The following EDA variants were observed in gnomAD, a reference collection of about 807,000 sequenced individuals.
EDA encodes ectodysplasin-A.
In EDA, 2 loss-of-function variants were observed where a neutral mutation model predicts 23.6. The ratio of observed to expected loss-of-function variants is 0.08; its 90% CI spans 0.03 to 0.27. The LOEUF (loss-of-function observed/expected upper bound fraction) is 0.27, where lower values mean the gene tolerates loss of function less well. EDA is among the 10% of genes least tolerant of loss of function. The pLI, the probability that EDA is intolerant of heterozygous loss-of-function variation, is 1.00. For synonymous variants in EDA, 131 were observed against 132.0 expected (o/e 0.99, Z 0.05); for missense variants, 229 against 324.2 (o/e 0.71, Z 2.26).
chrX:69,686,824 A>C (rs1373532394), intron 1 of EDA, among the ~76,000 whole-genome samples: 1 of 111,983 alleles, frequency 8.9e-6, no homozygotes, highest in Non-Finnish European at 1.9e-5. Flanking sequence ...TCTATTCATC[A>C]ATGGATGGAC....
intron 1 of EDA, among the ~76,000 whole-genome samples, chrX:69,674,102 CCTAT>C (rs201928323): frequency 0.27 from 28,412 of 105,400 alleles, 3,190 homozygotes; most frequent in Non-Finnish European, 0.31. Flanking sequence ...GTAGGAAAAG[CCTAT>C]CTATCTATCT....
chrX:69,910,372 A>AGTGTGT (rs1488519660), intron 1 of EDA, among the ~76,000 whole-genome samples: 18 of 51,445 alleles, frequency 3.5e-4, no homozygotes, highest in African/African-American at 4.4e-4. Flanking sequence ...AGAGAGAGAG[A>AGTGTGT]GAGTGTGTGT....
At chrX:69,969,475 A>G (rs2019218864) in intron 2 of EDA, among the ~76,000 whole-genome samples, 1 of 112,120 alleles carries the variant, frequency 8.9e-6, no homozygotes, top group Non-Finnish European at 1.9e-5. Flanking sequence ...ATTATAAAGT[A>G]TGAATTGTAT....
intron 2 of EDA, among the ~76,000 whole-genome samples, chrX:69,980,776 T>A (rs1340519146): frequency 8.9e-6 from 1 of 112,374 alleles, no homozygotes; most frequent in African/African-American, 3.2e-5. Flanking sequence ...TGGAAGTTAC[T>A]CTCATTTTAC....
intron 1 of EDA, among the ~76,000 whole-genome samples, chrX:69,688,290 A>G (rs1369493842): frequency 8.9e-6 from 1 of 112,033 alleles, no homozygotes; most frequent in African/African-American, 3.2e-5. Flanking sequence ...ATGTCAGTGA[A>G]AACTTTCATA....
intron 1 of EDA, among the ~76,000 whole-genome samples, chrX:69,662,798 T>C (rs762801894): frequency 3.5e-4 from 39 of 112,262 alleles, no homozygotes; most frequent in Non-Finnish European, 6.4e-4. Context: ...GCTGAAGTGG[T>C]CTCAGATGGA....
intron 1 of EDA, among the ~76,000 whole-genome samples, chrX:69,758,697 G>A (rs762167840): frequency 6.8e-4 from 76 of 112,059 alleles, no homozygotes; most frequent in Non-Finnish European, 1.2e-3. Context: ...TTAGCTGGGT[G>A]TGGTGGCATG....
At chrX:69,658,811 A>T (rs1213829531) in intron 1 of EDA, among the ~76,000 whole-genome samples, 1 of 111,760 alleles carries the variant, frequency 8.9e-6, no homozygotes, top group African/African-American at 3.2e-5. Flanking sequence ...TACCTCTCCT[A>T]ACCATTTAAG....
At chrX:69,797,699 G>A (rs987662713) in intron 1 of EDA, among the ~76,000 whole-genome samples, 3 of 111,212 alleles carry the variant, frequency 2.7e-5, no homozygotes, top group Non-Finnish European at 5.7e-5. Flanking sequence ...AGCTCAAACG[G>A]TACCACTACA....
chrX:70,038,881 G>A lies in EDA; in HGVS notation c.*3272G>A, dbSNP rs1211567913. On this transcript the variant is annotated 3_prime_UTR_variant, in exon 8 of 8. Transcript: ENST00000374552. ...GAGGGAAGATGACCTGCCCCAAGTG[G>A]TGAGCAAGCACCAACCTCCAGACTC... The A allele has an allele frequency of 1.8e-5, 2 of 112,524 alleles. No individual in the cohort carries two copies. The highest frequency in any genetic ancestry group is 6.5e-5 in the African/African-American group (2 of 30,850). 9.3% of individuals were successfully genotyped at this position (112,524 alleles called of 1,213,427 possible). A position where few individuals can be genotyped will look rare whatever the true frequency, so the allele number is the denominator to read the frequency against.
chrX:69,858,970 G>A (rs1452695293), intron 1 of EDA, among the ~76,000 whole-genome samples: 1 of 111,475 alleles, frequency 9.0e-6, no homozygotes, highest in Non-Finnish European at 1.9e-5. Context: ...GAAGGTATGT[G>A]TGTCCAAGAA....
chrX:69,857,549 A>G (rs2017286535), intron 1 of EDA, among the ~76,000 whole-genome samples: 1 of 109,685 alleles, frequency 9.1e-6, no homozygotes, highest in South Asian at 4.0e-4. Context: ...TTGGTTCTAT[A>G]TGAATTTTAG....
chrX:69,667,162 G>A (rs1222819291), intron 1 of EDA, among the ~76,000 whole-genome samples: 1 of 97,114 alleles, frequency 1.0e-5, no homozygotes, highest in Admixed American at 1.3e-4. Flanking sequence ...CTGTCGCCCA[G>A]GCTGGAGTGC....
intron 1 of EDA, among the ~76,000 whole-genome samples, chrX:69,834,532 CTTTTTT>C (rs56353023): frequency 1.2e-5 from 1 of 86,166 alleles, no homozygotes; most frequent in Non-Finnish European, 2.2e-5. Flanking sequence ...GCAACCCCTG[CTTTTTT>C]TTTTTTTTTT....
intron 2 of EDA, among the ~76,000 whole-genome samples, chrX:69,958,688 T>C (rs1337687951): frequency 9.0e-6 from 1 of 111,461 alleles, no homozygotes; most frequent in Non-Finnish European, 1.9e-5. Context: ...GCAGTCCATG[T>C]AGTAAAAGTT....
chrX:69,722,590 C>A (rs1195779005), intron 1 of EDA, among the ~76,000 whole-genome samples: 1 of 111,880 alleles, frequency 8.9e-6, no homozygotes, highest in African/African-American at 3.2e-5. Flanking sequence ...TTGTTATCCT[C>A]AGAATATATC....
At chrX:69,665,678 C>T (rs2147260744) in intron 1 of EDA, among the ~76,000 whole-genome samples, 1 of 110,750 alleles carries the variant, frequency 9.0e-6, no homozygotes, top group African/African-American at 3.3e-5. Flanking sequence ...TGTTTTTATG[C>T]CAGAACAATA....
rs538409685 is a variant in EDA at position 69,816,790 on chromosome X, G to A, written c.397-140237G>A. ...AACCAACTTTTAAAACATACTTCAGGATATCATCCAGGACAACTTCCTCAA... is the reference window on the plus strand; with the variant it reads ...AACCAACTTTTAAAACATACTTCAGAATATCATCCAGGACAACTTCCTCAA... On this transcript the variant is annotated intron_variant, in intron 1 of 7. Transcript: ENST00000374552. Among the ~76,000 whole-genome samples the A allele has an allele frequency of 1.3e-4, 14 of 111,064 alleles. No individual in the cohort carries two copies. In the South Asian group the frequency reaches 4.3e-3, roughly 34 times the overall value.
chrX:69,926,439 T>A (rs1235418061), intron 1 of EDA, among the ~76,000 whole-genome samples: 1 of 111,943 alleles, frequency 8.9e-6, no homozygotes, highest in Non-Finnish European at 1.9e-5. Context: ...AGGAGCAGGT[T>A]GTTCAATTTC....
Sources: allele counts gnomAD v4.1 joint callset (sites outside exome capture counted in the v4.1 genomes callset), GRCh38; gene constraint gnomAD v4.1.1; transcripts MANE v1.5; gene names NCBI Gene and HGNC (gene_info 2026-07-23, HGNC 2026-07-21).